TMEM100: variants seen among roughly 807,000 people sequenced by gnomAD.
TMEM100 encodes transmembrane protein 100.
For missense variants in TMEM100, 137 were observed against 168.2 expected, an observed-to-expected ratio of 0.81 and a Z score of 1.02; for synonymous variants, 61 against 67.1, an observed-to-expected ratio of 0.91 and a Z score of 0.44.
chr17:55,721,278 C>A (rs1908878616), intron 1 of TMEM100, 143 bp from the exon 2 acceptor site: 2 of 570,986 alleles, frequency 3.5e-6, no homozygotes, highest in Admixed American at 7.3e-5. Flanking sequence ...GAATTGGTTG[C>A]ATTCTCTTTG....
Position 55,721,050 on chromosome 17 carries a change from C to T in TMEM100, c.21G>A (p.Lys7=), listed in dbSNP as rs1014815102. MTEEPI[K]EILGAPKAHM... ...GAGCCTTTGGGGCTCCCAGGATCTC[C>T]TTGATGGGCTCTTCAGTCATTTTTA... The change falls in exon 2 of 2, where the codon AAG becomes AAA. Residue 7 remains lysine (K), a synonymous_variant. Coordinates refer to ENST00000424486, the MANE Select transcript of TMEM100 (RefSeq NM_018286.3). The T allele has an allele frequency of 6.2e-7, 1 of 1,611,892 alleles. No individual in the cohort carries two copies. The highest frequency in any genetic ancestry group is 1.3e-5 in the African/African-American group (1 of 74,812).
In TMEM100 at chr17:55,719,758, T is replaced by C. The variant is rs140574472; in HGVS notation, c.*908A>G. On this transcript the variant is annotated 3_prime_UTR_variant, in exon 2 of 2. Coordinates refer to ENST00000424486, the MANE Select transcript of TMEM100 (RefSeq NM_018286.3). The stretch of plus-strand genomic sequence containing the variant: ...CGTAATTAAGACTATTCAGAAGTAA[T>C]GAAAAACCAATATGATAAAAACAAA... The C allele has an allele frequency of 2.6e-5, 4 of 152,490 alleles. No homozygotes were observed. The highest frequency in any genetic ancestry group is 5.9e-5 in the Non-Finnish European group (4 of 68,018). 9.4% of individuals were successfully genotyped at this position (152,490 alleles called of 1,614,324 possible). A position where few individuals can be genotyped will look rare whatever the true frequency, so the allele number is the denominator to read the frequency against.
Position 55,720,533 on chromosome 17 carries a change from ACCCT to A in TMEM100, c.*129_*132del. ...TTCCTCACAAAGGAGAAGCCCCTCC[ACCCT>A]CCCACCCCCATTCTTCCAGTCTGCT... On this transcript the variant is annotated 3_prime_UTR_variant, in exon 2 of 2. Transcript: ENST00000424486. 8.4e-6 allele frequency: 5 copies of A among 593,974 alleles called. No individual in the cohort carries two copies. Among genetic ancestry groups the A allele is most frequent in the East Asian group, 3.9e-5 (1 of 25,670 alleles). The allele number at this position is 593,974 out of a possible 1,614,324, so 36.8% of individuals were successfully genotyped here.
intron 1 of TMEM100, among the ~76,000 whole-genome samples, chr17:55,730,815 A>G (rs1377494036): frequency 6.6e-6 from 1 of 152,250 alleles, no homozygotes; most frequent in Non-Finnish European, 1.5e-5. Context: ...AACAATGCAG[A>G]GAACAGATCT....
upstream of TMEM100, among the ~76,000 whole-genome samples, chr17:55,724,678 T>C (rs1197524918): frequency 6.6e-6 from 1 of 152,214 alleles, no homozygotes; most frequent in East Asian, 1.9e-4. Flanking sequence ...GATAGCCCAA[T>C]AACTGCACTG....
chr17:55,724,218 C>T (rs1238055389), upstream of TMEM100, among the ~76,000 whole-genome samples: 1 of 152,228 alleles, frequency 6.6e-6, no homozygotes, highest in Non-Finnish European at 1.5e-5. Flanking sequence ...TACCACAGCA[C>T]ACTCTCTCCA....
At chr17:55,724,094 C>A (rs914043719), upstream of TMEM100, among the ~76,000 whole-genome samples, 6 of 152,216 alleles carry the variant, frequency 3.9e-5, no homozygotes, top group African/African-American at 1.4e-4. Context: ...CTGTGAACCA[C>A]AAATCCAAAT....
At chr17:55,728,841 GGCA>G (rs891208071) in intron 1 of TMEM100, among the ~76,000 whole-genome samples, 3 of 152,092 alleles carry the variant, frequency 2.0e-5, no homozygotes, top group Admixed American at 6.6e-5. Context: ...GAATCTTCAT[GGCA>G]CACAGGCATT....
chr17:55,727,720 A>C (rs370046887), upstream of TMEM100: 3 of 152,206 alleles, frequency 2.0e-5, no homozygotes, highest in African/African-American at 7.2e-5. Flanking sequence ...AAAGTGTCCT[A>C]AAAACGGATA....
chr17:55,726,268 A>AT (rs536924506), upstream of TMEM100, among the ~76,000 whole-genome samples: 55 of 151,500 alleles, frequency 3.6e-4, no homozygotes, highest in Non-Finnish European at 4.6e-4. Flanking sequence ...CAAAAATCTC[A>AT]TTTTTTTTTC....
chr17:55,721,641 G>A (rs1007328570), intron 1 of TMEM100: 2 of 153,154 alleles, frequency 1.3e-5, no homozygotes, highest in Non-Finnish European at 2.9e-5. Context: ...AGCAACAAAT[G>A]ATGTTCTTCT....
upstream of TMEM100, among the ~76,000 whole-genome samples, chr17:55,724,173 G>A (rs1812654745): frequency 6.6e-6 from 1 of 152,154 alleles, no homozygotes; most frequent in South Asian, 2.1e-4. Flanking sequence ...AGCTGGCAAA[G>A]GGCTTGGATG....
chr17:55,731,081 T>C (rs1909194772), intron 1 of TMEM100, among the ~76,000 whole-genome samples: 1 of 152,208 alleles, frequency 6.6e-6, no homozygotes, highest in Admixed American at 6.5e-5. Context: ...TGTACATTTG[T>C]ACCCAGTTAA....
chr17:55,730,882 A>G (rs142613274), intron 1 of TMEM100, among the ~76,000 whole-genome samples: 2 of 152,226 alleles, frequency 1.3e-5, no homozygotes, highest in Non-Finnish European at 2.9e-5. Context: ...AGGAGACAGA[A>G]CTTTGCTGTC....
chr17:55,721,729 T>A (rs1908896912), intron 1 of TMEM100: 1 of 152,228 alleles, frequency 6.6e-6, no homozygotes, highest in Non-Finnish European at 1.5e-5. Flanking sequence ...ATCTTTTTAT[T>A]ACCCACTTTA....
At position 55,729,658 on chromosome 17, in the gene TMEM100, G is replaced by T. The variant is rs143800459; in HGVS notation, c.-358-1676C>A. ...TGCATATGCACACACACACAATTTT[G>T]CTGACACACATACAATATATACACA... On this transcript the variant is annotated intron_variant, in intron 1 of 3. Transcript: ENST00000575734. Among the ~76,000 whole-genome samples the T allele has an allele frequency of 9.4e-3, 1,435 of 152,060 alleles. 16 individuals carry two copies. Among genetic ancestry groups the T allele is most frequent in the South Asian group, 0.047 (228 of 4,802 alleles).
rs1398007579 is a variant in TMEM100, at chr17:55,719,852, G to A, written c.*814C>T. 1 of 152,616 alleles carries A rather than the reference G, an allele frequency of 6.6e-6. No individual in the cohort carries two copies. The highest frequency in any genetic ancestry group is 2.4e-5 in the African/African-American group (1 of 41,460). The allele number at this position is 152,616 out of a possible 1,614,324, so 9.5% of individuals were successfully genotyped here. A position where few individuals can be genotyped will look rare whatever the true frequency, so the allele number is the denominator to read the frequency against. On this transcript the variant is annotated 3_prime_UTR_variant, in exon 2 of 2. Transcript: ENST00000424486. ...AATTGAGAACTTGCAAATGAGACAAGGGAAGATGGCAATTTGGAACTGCAA... is the reference window on the plus strand; with the variant it reads ...AATTGAGAACTTGCAAATGAGACAAAGGAAGATGGCAATTTGGAACTGCAA...
chr17:55,724,356 G>A (rs951157232), upstream of TMEM100, among the ~76,000 whole-genome samples: 1 of 152,172 alleles, frequency 6.6e-6, no homozygotes, highest in Non-Finnish European at 1.5e-5. Context: ...AAGTCCCTGA[G>A]GTTGGGGGAG....
At chr17:55,729,967 C>T (rs1216480200) in intron 1 of TMEM100, among the ~76,000 whole-genome samples, 1 of 152,170 alleles carries the variant, frequency 6.6e-6, no homozygotes, top group African/African-American at 2.4e-5. Context: ...AGGTTCTTGT[C>T]TTGCCACTTC....
Sources: allele counts gnomAD v4.1 joint callset (sites outside exome capture counted in the v4.1 genomes callset), GRCh38; gene constraint gnomAD v4.1.1; transcripts MANE v1.5; gene names NCBI Gene and HGNC (gene_info 2026-07-23, HGNC 2026-07-21).